Variants in KIAA1217 observed in about 807,000 individuals in gnomAD.
The protein encoded by KIAA1217 is sickle tail protein homolog.
Under a neutral mutation model 163.9 loss-of-function variants are expected in KIAA1217, and 88 were observed. The ratio of observed to expected loss-of-function variants is 0.54; its 90% CI spans 0.45 to 0.64. KIAA1217 has a LOEUF of 0.64. Among genes scored for constraint, KIAA1217 ranks in the 30% least tolerant of loss-of-function variants. The pLI is 0.00. For synonymous variants in KIAA1217, 903 were observed against 923.1 expected (o/e 0.98, Z 0.39); for missense variants, 2,372 against 2,475.0 (o/e 0.96, Z 0.88).
intron 5 of KIAA1217, among the ~76,000 whole-genome samples, chr10:24,452,730 AC>A (rs1420538131): frequency 1.3e-5 from 2 of 151,932 alleles, no homozygotes; most frequent in Non-Finnish European, 2.9e-5. Flanking sequence ...ATTTGCTAGC[AC>A]AACAGAATGC....
chr10:24,315,100 C>T (rs901599057), intron 2 of KIAA1217, among the ~76,000 whole-genome samples: 2 of 152,014 alleles, frequency 1.3e-5, no homozygotes, highest in East Asian at 1.9e-4. Context: ...AAGGTTGAAG[C>T]GGAGGACAGA....
At chr10:23,812,835 A>G (rs1185659364) in intron 1 of KIAA1217, among the ~76,000 whole-genome samples, 1 of 152,220 alleles carries the variant, frequency 6.6e-6, no homozygotes, top group South Asian at 2.1e-4. Context: ...TTTACTTAGC[A>G]TAACATTTTC....
intron 1 of KIAA1217, among the ~76,000 whole-genome samples, chr10:23,882,201 C>CAT (rs1359858974): frequency 2.2e-4 from 33 of 151,912 alleles, no homozygotes. Context: ...TTCATATTCT[C>CAT]ATATATACCT....
chr10:23,755,155 G>A (rs1788251013), intron 1 of KIAA1217, among the ~76,000 whole-genome samples: 1 of 152,150 alleles, frequency 6.6e-6, no homozygotes, highest in Non-Finnish European at 1.5e-5. Flanking sequence ...CCCAGCTGTG[G>A]CCCAGATTCT....
chr10:23,765,174 C>T (rs1834446538), intron 1 of KIAA1217, among the ~76,000 whole-genome samples: 1 of 142,276 alleles, frequency 7.0e-6, no homozygotes, highest in South Asian at 2.2e-4. Flanking sequence ...TTTTGTTTTC[C>T]CTTTTTTGTT....
chr10:24,423,963 A>C (rs1032106762), intron 3 of KIAA1217, among the ~76,000 whole-genome samples: 2 of 152,238 alleles, frequency 1.3e-5, no homozygotes, highest in Non-Finnish European at 2.9e-5. Context: ...TCACTAAGTG[A>C]AATAAAAAAA....
intron 2 of KIAA1217, among the ~76,000 whole-genome samples, chr10:24,307,474 C>G (rs2042129018): frequency 6.6e-6 from 1 of 152,090 alleles, no homozygotes; most frequent in South Asian, 2.1e-4. Context: ...TGCCCTTCTT[C>G]CCATCAAGAC....
intron 2 of KIAA1217, among the ~76,000 whole-genome samples, chr10:24,071,989 A>C (rs1407852822): frequency 6.6e-6 from 1 of 152,028 alleles, no homozygotes; most frequent in Non-Finnish European, 1.5e-5. Context: ...ATTTTTTATG[A>C]CTGTTACAGA....
intron 1 of KIAA1217, among the ~76,000 whole-genome samples, chr10:23,708,070 G>T (rs1047843396): frequency 3.9e-5 from 6 of 152,114 alleles, no homozygotes; most frequent in Non-Finnish European, 8.8e-5. Context: ...AATGTGGCTG[G>T]GGAGGCCTCA....
intron 2 of KIAA1217, among the ~76,000 whole-genome samples, chr10:24,059,851 C>T (rs1179776725): frequency 4.6e-5 from 7 of 152,222 alleles, no homozygotes; most frequent in African/African-American, 1.7e-4. Context: ...AGGCGTGAGC[C>T]ACTGCGCCTG....
intron 1 of KIAA1217, among the ~76,000 whole-genome samples, chr10:23,818,036 T>C (rs892486720): frequency 2.4e-5 from 3 of 122,858 alleles, no homozygotes; most frequent in Non-Finnish European, 1.6e-5. Flanking sequence ...CACATATATA[T>C]ACATATATAT....
chr10:23,730,397 G>A (rs149787144), intron 1 of KIAA1217, among the ~76,000 whole-genome samples: 41 of 152,236 alleles, frequency 2.7e-4, no homozygotes, highest in African/African-American at 6.5e-4. Context: ...GGCGAATACC[G>A]TACTGCCTTG....
At chr10:24,111,131 A>T (rs1335950110) in intron 2 of KIAA1217, among the ~76,000 whole-genome samples, 1 of 152,218 alleles carries the variant, frequency 6.6e-6, no homozygotes, top group African/African-American at 2.4e-5. Flanking sequence ...TTATGGGAAC[A>T]TAAACTTTAT....
chr10:24,258,074 G>C (rs1044047005), intron 2 of KIAA1217, among the ~76,000 whole-genome samples: 2 of 152,092 alleles, frequency 1.3e-5, no homozygotes, highest in South Asian at 4.1e-4. Context: ...CCAGCTACTT[G>C]GGAGGCTGAG....
intron 5 of KIAA1217, among the ~76,000 whole-genome samples, chr10:24,442,697 T>C (rs1473992988): frequency 2.0e-5 from 3 of 152,148 alleles, no homozygotes; most frequent in Admixed American, 6.6e-5. Flanking sequence ...TATGCATGCA[T>C]ATTTTGGGGA....
intron 1 of KIAA1217, among the ~76,000 whole-genome samples, chr10:23,887,997 C>A (rs1841255798): frequency 6.6e-6 from 1 of 151,886 alleles, no homozygotes. Context: ...CTTAGGATTT[C>A]TTTCATTGGC....
chr10:23,892,481 T>C (rs1841456689), intron 1 of KIAA1217, among the ~76,000 whole-genome samples: 1 of 151,948 alleles, frequency 6.6e-6, no homozygotes, highest in South Asian at 2.1e-4. Context: ...GTGAGTCATC[T>C]CTCATAATAT....
At chr10:23,782,761 T>C (rs1835315314) in intron 1 of KIAA1217, among the ~76,000 whole-genome samples, 2 of 152,178 alleles carry the variant, frequency 1.3e-5, no homozygotes, top group South Asian at 4.1e-4. Context: ...TTTCCACATA[T>C]AGGATTATGT....
Position 24,543,434 on chromosome 10 carries a change from C to G in KIAA1217, c.4164C>G (p.Thr1388=), listed in dbSNP as rs777385251. 9 of 1,613,940 alleles carry G rather than the reference C, an allele frequency of 5.6e-6. No homozygotes were observed. In the African/African-American group the frequency reaches 1.2e-4, roughly 22 times the overall value. ...AATDNIAFMI[T]ETTVQVLSSG... The stretch of plus-strand genomic sequence containing the variant: ...CTGACAATATTGCCTTCATGATTAC[C>G]GAAACCACTGTCCAGGTTCTTTCCA... Residue 1388 remains threonine, a synonymous_variant, in exon 19 of 21, where the codon ACC becomes ACG. Transcript: ENST00000376454.
Sources: gnomAD v4.1 joint callset for allele counts (sites outside exome capture counted in the v4.1 genomes callset) on GRCh38, gnomAD v4.1.1 for gene constraint, MANE v1.5 for transcripts, NCBI Gene and HGNC (gene_info 2026-07-23, HGNC 2026-07-21) for gene names.